Variants in TDRD3 observed in about 807,000 individuals in gnomAD.
TDRD3 encodes the protein tudor domain-containing protein 3.
In TDRD3, 45 loss-of-function variants were observed where a neutral mutation model predicts 86.7. The ratio of observed to expected loss-of-function variants is 0.52; its 90% CI spans 0.41 to 0.67. The LOEUF (loss-of-function observed/expected upper bound fraction) is 0.67, where lower values mean the gene tolerates loss of function less well. Among genes scored for constraint, TDRD3 ranks in the 30% least tolerant of loss-of-function variants. TDRD3 has a pLI of 0.00. For synonymous variants in TDRD3, 298 were observed against 301.7 expected, an observed-to-expected ratio of 0.99 and a Z score of 0.13; for missense variants, 814 against 889.0, an observed-to-expected ratio of 0.92 and a Z score of 1.07.
At chr13:60,514,431 AGGTTTAGTAACTTTGTTGG>A (rs1957125621) in intron 10 of TDRD3, among the ~76,000 whole-genome samples, 1 of 152,182 alleles carries the variant, frequency 6.6e-6, no homozygotes, top group Non-Finnish European at 1.5e-5. Flanking sequence ...CTTGCCTTCA[AGGTTTAGTAACTTTGTTGG>A]GGGCCTATCA....
At chr13:60,456,713 C>T (rs552428185) in intron 3 of TDRD3, among the ~76,000 whole-genome samples, 77 of 151,930 alleles carry the variant, frequency 5.1e-4, no homozygotes, top group African/African-American at 1.6e-3. Flanking sequence ...TTTTGAGACA[C>T]CTTTTTGTGT....
intron 12 of TDRD3, among the ~76,000 whole-genome samples, chr13:60,550,028 T>C (rs1169825252): frequency 6.6e-6 from 1 of 152,106 alleles, no homozygotes; most frequent in East Asian, 1.9e-4. Flanking sequence ...GAACACTTGA[T>C]CTCTTTCTAA....
chr13:60,496,629 A>G (rs778322771), intron 8 of TDRD3, among the ~76,000 whole-genome samples: 5 of 152,094 alleles, frequency 3.3e-5, no homozygotes, highest in Admixed American at 6.5e-5. Context: ...GTGACTCTAT[A>G]CATAATACCT....
rs142954788 is a variant in TDRD3, at chr13:60,527,452, A to G, written c.1142-915A>G. Among the ~76,000 whole-genome samples the G allele has an allele frequency of 5.0e-3, 758 of 152,312 alleles. 3 individuals carry two copies. Among genetic ancestry groups the G allele is most frequent in the Middle Eastern group, 0.024 (7 of 294 alleles). On this transcript the variant is annotated intron_variant, in intron 10 of 13. Transcript: ENST00000377881. ...GTAACCTTGGGGAAATATAAGAATAATTACAGCTGCATGTTGATTATGATG... is the reference window on the plus strand; with the variant it reads ...GTAACCTTGGGGAAATATAAGAATAGTTACAGCTGCATGTTGATTATGATG...
At chr13:60,541,716 C>CTTTT (rs71199007) in intron 12 of TDRD3, among the ~76,000 whole-genome samples, 847 of 41,036 alleles carry the variant, frequency 0.021, 205 homozygotes, top group African/African-American at 0.022. Context: ...TCAGCATAGT[C>CTTTT]TTTTTTTTTT....
At chr13:60,534,759 C>G (rs903263020) in intron 11 of TDRD3, among the ~76,000 whole-genome samples, 4 of 151,668 alleles carry the variant, frequency 2.6e-5, no homozygotes, top group African/African-American at 9.7e-5. Context: ...AACCCCATCT[C>G]TATAAAAAAT....
At chr13:60,413,044 AT>A (rs879432200) in intron 1 of TDRD3, among the ~76,000 whole-genome samples, 361 of 141,272 alleles carry the variant, frequency 2.6e-3, no homozygotes, top group Middle Eastern at 0.011. Context: ...TGTACTCCCA[AT>A]TTTTTTTTTT....
chr13:60,483,874 T>C, intron 6 of TDRD3, 28 bp downstream of exon 6: 1 of 1,607,988 alleles, frequency 6.2e-7, no homozygotes, highest in Non-Finnish European at 8.5e-7. Context: ...GGCAGATGAA[T>C]TTAAATTAGG....
At chr13:60,514,810 T>C (rs1957133345) in intron 10 of TDRD3, among the ~76,000 whole-genome samples, 1 of 152,220 alleles carries the variant, frequency 6.6e-6, no homozygotes, top group Non-Finnish European at 1.5e-5. Context: ...ATAAGAGCCA[T>C]GAGGTTTATT....
At chr13:60,565,190 G>A (rs2137981796) in intron 12 of TDRD3, among the ~76,000 whole-genome samples, 1 of 151,808 alleles carries the variant, frequency 6.6e-6, no homozygotes, top group East Asian at 1.9e-4. Context: ...CGAGTAGCTG[G>A]GACTACAGGC....
intron 1 of TDRD3, among the ~76,000 whole-genome samples, chr13:60,437,136 T>TG (rs1955135057): frequency 6.7e-6 from 1 of 148,306 alleles, no homozygotes; most frequent in African/African-American, 2.5e-5. Flanking sequence ...TTTTTTTTTT[T>TG]TTTTTTTGAG....
In TDRD3 at chr13:60,498,431, C is replaced by T. The variant is rs117356397; in HGVS notation, c.858+3856C>T. 5.1e-3 allele frequency among the ~76,000 whole-genome samples: 770 copies of T among 152,238 alleles called. 3 individuals carry two copies. The highest frequency in any genetic ancestry group is 0.024 in the Middle Eastern group (7 of 294). The stretch of plus-strand genomic sequence containing the variant: ...ACTGTAATGGACGGTAGAAGCAAAA[C>T]GGCAATCAGAATATTCTGACTTGTG... On this transcript the variant is annotated intron_variant, in intron 8 of 13. Transcript: ENST00000377881.
At chr13:60,553,536 A>G (rs2137912675) in intron 12 of TDRD3, among the ~76,000 whole-genome samples, 1 of 151,312 alleles carries the variant, frequency 6.6e-6, no homozygotes, top group African/African-American at 2.5e-5. Context: ...GAGACTGGGT[A>G]ATTTATTTTT....
chr13:60,415,954 G>A (rs1033494436), intron 1 of TDRD3, among the ~76,000 whole-genome samples: 2 of 152,168 alleles, frequency 1.3e-5, no homozygotes, highest in Non-Finnish European at 2.9e-5. Flanking sequence ...CTGGTTGGCC[G>A]TCAGTGTCCT....
chr13:60,528,416 A>G lies in TDRD3; in HGVS notation c.1191A>G (p.Ser397=). The change falls in exon 11 of 14, where the codon TCA becomes TCG. Residue 397 remains serine (S), a synonymous_variant. Transcript: ENST00000377881. ...TTCATCAGGGACAATACAGATCATCAAATACTGAGCAAAATGGAGTAAAAG... is the reference window on the plus strand; with the variant it reads ...TTCATCAGGGACAATACAGATCATCGAATACTGAGCAAAATGGAGTAAAAG... ...QQLHQGQYRS[S]NTEQNGVKDN... is the part of the protein sequence containing the mutation. The G allele has an allele frequency of 6.2e-7, 1 of 1,613,624 alleles. No individual in the cohort carries two copies. The highest frequency in any genetic ancestry group is 2.2e-5 in the East Asian group (1 of 44,862).
At position 60,485,962 on chromosome 13, in the gene TDRD3, TCATTACA is replaced by T; in HGVS notation, c.717+16_717+22del. 1 of 1,589,200 alleles carries T rather than the reference TCATTACA, an allele frequency of 6.3e-7. No individual in the cohort carries two copies. The highest frequency in any genetic ancestry group is 1.2e-5 in the South Asian group (1 of 86,406). On this transcript the variant is annotated intron_variant, in intron 7 of 13. Coordinates refer to ENST00000377881, the MANE Select transcript of TDRD3 (RefSeq NM_001146070.2). ...AAGAGCAAGGAAGTAAGAAATCAAA[TCATTACA>T]CGTTTTATTTCTTATCATTATGTTC...
In TDRD3 at chr13:60,485,266, C is replaced by CT. The variant is rs537970473; in HGVS notation, c.568-524dup. On this transcript the variant is annotated intron_variant, in intron 6 of 13. Coordinates refer to ENST00000377881, the MANE Select transcript of TDRD3 (RefSeq NM_001146070.2). ...AGGGCTTCTTTTTAGGCAGTGATGC[C>CT]TTTTTTTTTACTTTATGAGACAAAA... Among the ~76,000 whole-genome samples, 581 of 150,480 alleles carry CT rather than the reference C, an allele frequency of 3.9e-3. 4 individuals carry two copies. The highest frequency in any genetic ancestry group is 0.013 in the African/African-American group (538 of 41,032).
chr13:60,541,483 T>G (rs967730081), intron 12 of TDRD3, among the ~76,000 whole-genome samples: 4 of 151,566 alleles, frequency 2.6e-5, no homozygotes, highest in African/African-American at 9.7e-5. Flanking sequence ...ATTCTTTTAT[T>G]TTTTTTTGTA....
chr13:60,466,122 C>A (rs1955919749), intron 4 of TDRD3, among the ~76,000 whole-genome samples: 1 of 151,974 alleles, frequency 6.6e-6, no homozygotes, highest in Admixed American at 6.5e-5. Context: ...TATAAAAATC[C>A]TTTTAAAGTT....
Sources: allele counts gnomAD v4.1 joint callset (sites outside exome capture counted in the v4.1 genomes callset), GRCh38; gene constraint gnomAD v4.1.1; transcripts MANE v1.5; gene names NCBI Gene and HGNC (gene_info 2026-07-23, HGNC 2026-07-21).